The following SUGCT variants were observed in gnomAD, a reference collection of about 807,000 sequenced individuals.
SUGCT encodes succinyl-CoA:glutarate-CoA transferase, also known as succinyl-CoA:glutarate CoA-transferase.
Under a neutral mutation model 55.0 loss-of-function variants are expected in SUGCT, and 41 were observed. The observed-to-expected ratio is 0.74, with a 90% CI of 0.58 to 0.97. The LOEUF (loss-of-function observed/expected upper bound fraction) is 0.97. Among genes scored for constraint, SUGCT ranks in the 50% least tolerant of loss-of-function variants. SUGCT has a pLI of 0.00. For missense variants in SUGCT, 568 were observed against 547.8 expected (o/e 1.04, Z -0.37); for synonymous variants, 187 against 200.4 (o/e 0.93, Z 0.56).
chr7:40,208,325 G>T (rs1787116450), intron 6 of SUGCT, among the ~76,000 whole-genome samples: 1 of 152,078 alleles, frequency 6.6e-6, no homozygotes, highest in Admixed American at 6.6e-5. Flanking sequence ...CTTAAAAATG[G>T]TTAAAACTAA....
At chr7:40,475,285 T>C (rs1431166017) in intron 11 of SUGCT, among the ~76,000 whole-genome samples, 1 of 152,196 alleles carries the variant, frequency 6.6e-6, no homozygotes, top group Non-Finnish European at 1.5e-5. Flanking sequence ...GGTTCAGCAA[T>C]AGACACCATC....
At chr7:40,496,687 T>C (rs1030834658) in intron 12 of SUGCT, among the ~76,000 whole-genome samples, 1 of 152,166 alleles carries the variant, frequency 6.6e-6, no homozygotes, top group Non-Finnish European at 1.5e-5. Context: ...GATATTGGGG[T>C]TGGGTACTCA....
At chr7:40,440,754 G>GT (rs1043681083) in intron 9 of SUGCT, among the ~76,000 whole-genome samples, 6 of 152,112 alleles carry the variant, frequency 3.9e-5, no homozygotes, top group Middle Eastern at 3.4e-3. Context: ...AGATCTCATT[G>GT]TTTGGGGGGC....
intron 9 of SUGCT, among the ~76,000 whole-genome samples, chr7:40,342,119 C>T (rs770080148): frequency 5.3e-5 from 8 of 152,172 alleles, no homozygotes; most frequent in Non-Finnish European, 8.8e-5. Context: ...GCAGGGGAAG[C>T]CCCTGAGAAA....
chr7:40,959,142 G>T, the SUGCT span, among the ~76,000 whole-genome samples: 1 of 152,182 alleles, frequency 6.6e-6, no homozygotes, highest in African/African-American at 2.4e-5. Flanking sequence ...GAGGCACAGG[G>T]GTCAGGGATC....
At chr7:40,532,343 T>G (rs1794143948) in intron 12 of SUGCT, among the ~76,000 whole-genome samples, 1 of 152,178 alleles carries the variant, frequency 6.6e-6, no homozygotes, top group South Asian at 2.1e-4. Flanking sequence ...TTCTTTTAAG[T>G]GAAAATTTAT....
chr7:40,182,783 G>T (rs1785291596), intron 3 of SUGCT, among the ~76,000 whole-genome samples: 3 of 152,226 alleles, frequency 2.0e-5, no homozygotes, highest in Admixed American at 2.0e-4. Flanking sequence ...CAGGTAATAA[G>T]GAATATCCAG....
chr7:40,882,073 T>C, the SUGCT span, among the ~76,000 whole-genome samples: 1 of 152,184 alleles, frequency 6.6e-6, no homozygotes, highest in Non-Finnish European at 1.5e-5. Context: ...TGAAATGTCC[T>C]TGTTATAGAT....
At chr7:40,656,502 C>T (rs1318437885) in intron 12 of SUGCT, among the ~76,000 whole-genome samples, 7 of 152,302 alleles carry the variant, frequency 4.6e-5, no homozygotes, top group Middle Eastern at 3.4e-3. Flanking sequence ...ATTAAACCAA[C>T]TGTCCTAAGA....
intron 11 of SUGCT, among the ~76,000 whole-genome samples, chr7:40,480,610 A>G (rs1790975005): frequency 6.6e-6 from 1 of 152,084 alleles, no homozygotes; most frequent in Non-Finnish European, 1.5e-5. Flanking sequence ...TGGATAAAAT[A>G]CTCATTTTAT....
intron 12 of SUGCT, among the ~76,000 whole-genome samples, chr7:40,606,401 A>T (rs1798538683): frequency 6.6e-6 from 1 of 152,204 alleles, no homozygotes; most frequent in Non-Finnish European, 1.5e-5. Context: ...CCCACTACAC[A>T]GATGGAAACA....
At chr7:41,014,340 A>G in the SUGCT span, among the ~76,000 whole-genome samples, 1 of 152,320 alleles carries the variant, frequency 6.6e-6, no homozygotes. Context: ...CTACTTCATA[A>G]AAGTCTGATC....
intron 11 of SUGCT, among the ~76,000 whole-genome samples, chr7:40,463,719 A>C (rs1022697970): frequency 3.3e-5 from 5 of 152,186 alleles, no homozygotes; most frequent in African/African-American, 7.2e-5. Context: ...AAGTGTTACT[A>C]TTCCCCAACC....
intron 6 of SUGCT, among the ~76,000 whole-genome samples, chr7:40,205,655 AAAAAAAAG>A (rs1786929145): frequency 6.6e-6 from 1 of 151,568 alleles, no homozygotes; most frequent in Non-Finnish European, 1.5e-5. Context: ...AAAAAAAAAA[AAAAAAAAG>A]AAAAGTGACA....
At chr7:40,585,974 C>T (rs1188005860) in intron 12 of SUGCT, among the ~76,000 whole-genome samples, 2 of 152,154 alleles carry the variant, frequency 1.3e-5, no homozygotes, top group Non-Finnish European at 2.9e-5. Flanking sequence ...GCCACTGTGC[C>T]TGGCCAACTT....
intron 7 of SUGCT, among the ~76,000 whole-genome samples, chr7:40,269,981 C>T (rs1043733832): frequency 6.6e-6 from 1 of 151,708 alleles, no homozygotes; most frequent in Non-Finnish European, 1.5e-5. Context: ...TACAAAAATA[C>T]AAAAATTAGC....
intron 8 of SUGCT, among the ~76,000 whole-genome samples, chr7:40,302,643 G>A (rs1437884721): frequency 6.6e-6 from 1 of 152,152 alleles, no homozygotes; most frequent in Non-Finnish European, 1.5e-5. Context: ...TGGGTTTCAA[G>A]GCCAACAGGA....
chr7:40,413,661 A>G (rs368551776), intron 9 of SUGCT, among the ~76,000 whole-genome samples: 21 of 152,194 alleles, frequency 1.4e-4, no homozygotes, highest in Admixed American at 1.4e-3. Context: ...AATATTTATA[A>G]TGTAATTTGA....
intron 12 of SUGCT, among the ~76,000 whole-genome samples, chr7:40,629,186 C>A (rs1305564680): frequency 6.6e-6 from 1 of 152,136 alleles, no homozygotes; most frequent in African/African-American, 2.4e-5. Flanking sequence ...CAGCTACATA[C>A]AGCCGACACT....
Sources: gnomAD v4.1 joint callset for allele counts (sites outside exome capture counted in the v4.1 genomes callset) on GRCh38, gnomAD v4.1.1 for gene constraint, MANE v1.5 for transcripts, NCBI Gene and HGNC (gene_info 2026-07-23, HGNC 2026-07-21) for gene names.